The following ANKFN1 variants were observed in gnomAD, a reference collection of about 807,000 sequenced individuals.
ANKFN1 encodes the protein ankyrin repeat and fibronectin type-III domain-containing protein 1.
ANKFN1 carries 74 observed loss-of-function variants against 108.7 expected under a neutral mutation model. The ratio of observed to expected loss-of-function variants is 0.68; its 90% CI spans 0.56 to 0.83. ANKFN1 has a LOEUF of 0.83. ANKFN1 is among the 40% of genes least tolerant of loss of function. ANKFN1 has a pLI of 0.00. For missense variants in ANKFN1, 1,505 were observed against 1,382.3 expected (o/e 1.09, Z -1.41); for synonymous variants, 547 against 516.2 (o/e 1.06, Z -0.81).
At chr17:56,065,859 A>G (rs184000524) in intron 4 of ANKFN1, among the ~76,000 whole-genome samples, 8 of 152,374 alleles carry the variant, frequency 5.3e-5, no homozygotes, top group Admixed American at 1.3e-4. Flanking sequence ...AATGTGGCAC[A>G]GAGACACAAA....
At chr17:56,320,637 G>A (rs750310091) in intron 3 of ANKFN1, among the ~76,000 whole-genome samples, 1 of 152,064 alleles carries the variant, frequency 6.6e-6, no homozygotes, top group Non-Finnish European at 1.5e-5. Context: ...CTGAAAGGAG[G>A]GTGGCAGCCA....
intron 3 of ANKFN1, among the ~76,000 whole-genome samples, chr17:56,261,454 G>T (rs779577665): frequency 6.6e-6 from 1 of 152,144 alleles, no homozygotes; most frequent in African/African-American, 2.4e-5. Flanking sequence ...ATATATGAAA[G>T]GGAGTTTATT....
At chr17:56,454,854 C>T (rs1598637457) in intron 11 of ANKFN1, among the ~76,000 whole-genome samples, 1 of 152,166 alleles carries the variant, frequency 6.6e-6, no homozygotes, top group African/African-American at 2.4e-5. Flanking sequence ...TGATGTCTCC[C>T]ACTCCGGAGA....
chr17:56,406,127 G>C (rs1264807880), intron 8 of ANKFN1, among the ~76,000 whole-genome samples: 1 of 152,122 alleles, frequency 6.6e-6, no homozygotes, highest in Non-Finnish European at 1.5e-5. Context: ...CAGACAGAAG[G>C]CTACCATAAA....
At chr17:56,256,455 T>C (rs2043359475) in intron 3 of ANKFN1, among the ~76,000 whole-genome samples, 1 of 152,156 alleles carries the variant, frequency 6.6e-6, no homozygotes, top group African/African-American at 2.4e-5. Context: ...GGAGAATTAT[T>C]TGGGGTTGTG....
intron 6 of ANKFN1, 42 bp downstream of exon 6, chr17:56,354,088 A>T (rs1336989312): frequency 1.3e-6 from 2 of 1,590,178 alleles, no homozygotes; most frequent in African/African-American, 1.3e-5. Context: ...TTAAAGCCAG[A>T]TTCCAGCCTT....
chr17:56,307,212 C>A (rs1340792230), intron 3 of ANKFN1, among the ~76,000 whole-genome samples: 2 of 152,120 alleles, frequency 1.3e-5, no homozygotes, highest in South Asian at 2.1e-4. Flanking sequence ...GCAACAAAAG[C>A]CAAAATTGAC....
intron 4 of ANKFN1, among the ~76,000 whole-genome samples, chr17:56,338,058 G>A (rs1489152455): frequency 2.6e-5 from 4 of 152,162 alleles, no homozygotes; most frequent in East Asian, 1.9e-4. Flanking sequence ...CAACCCAAAT[G>A]TCCATCAATG....
At chr17:56,292,362 A>T (rs1370909018) in intron 3 of ANKFN1, among the ~76,000 whole-genome samples, 1 of 152,218 alleles carries the variant, frequency 6.6e-6, no homozygotes, top group East Asian at 1.9e-4. Context: ...TGATGAGATC[A>T]AAAGAAAAAT....
At chr17:56,296,166 A>G (rs531740759) in intron 3 of ANKFN1, among the ~76,000 whole-genome samples, 81 of 152,252 alleles carry the variant, frequency 5.3e-4, no homozygotes, top group African/African-American at 1.7e-3. Flanking sequence ...ACTAACCTGC[A>G]CATGTTCCCT....
intron 3 of ANKFN1, among the ~76,000 whole-genome samples, chr17:56,303,862 T>TC (rs1437081965): frequency 1.3e-5 from 2 of 150,758 alleles, no homozygotes; most frequent in African/African-American, 4.9e-5. Flanking sequence ...TTTTTTTTTT[T>TC]TTTTTTTGTA....
At chr17:56,156,214 G>A (rs1041700485) in intron 1 of ANKFN1, among the ~76,000 whole-genome samples, 2 of 151,888 alleles carry the variant, frequency 1.3e-5, no homozygotes, top group African/African-American at 4.8e-5. Flanking sequence ...CGAGTAGTTG[G>A]GACTACAGGC....
chr17:56,190,877 C>T (rs1331171759), intron 1 of ANKFN1, among the ~76,000 whole-genome samples: 8 of 99,974 alleles, frequency 8.0e-5, no homozygotes, highest in African/African-American at 3.7e-4. Flanking sequence ...TCAGGACTTG[C>T]TTTATGAATC....
intron 4 of ANKFN1, among the ~76,000 whole-genome samples, chr17:56,103,950 C>T (rs1011406256): frequency 1.3e-5 from 2 of 152,162 alleles, no homozygotes; most frequent in African/African-American, 4.8e-5. Flanking sequence ...GAGGGATATT[C>T]TTGGCAAAGG....
chr17:56,160,564 A>C (rs1302955095), intron 1 of ANKFN1, among the ~76,000 whole-genome samples: 1 of 152,206 alleles, frequency 6.6e-6, no homozygotes, highest in Non-Finnish European at 1.5e-5. Flanking sequence ...AGTAAATGCC[A>C]CTTTGATTAC....
At chr17:56,214,844 GA>G (rs1915305462) in intron 2 of ANKFN1, among the ~76,000 whole-genome samples, 1 of 152,018 alleles carries the variant, frequency 6.6e-6, no homozygotes, top group Non-Finnish European at 1.5e-5. Flanking sequence ...GTCCTCTGTG[GA>G]AAAAAATGGG....
intron 1 of ANKFN1, among the ~76,000 whole-genome samples, chr17:56,167,274 C>CAT (rs72093414): frequency 0.82 from 109,605 of 133,626 alleles, 44,972 homozygotes; most frequent in Non-Finnish European, 0.87. Flanking sequence ...TATATATATA[C>CAT]ATATATATAT....
At chr17:56,506,763 G>T (rs1042888210) in intron 20 of ANKFN1, among the ~76,000 whole-genome samples, 1 of 151,856 alleles carries the variant, frequency 6.6e-6, no homozygotes, top group African/African-American at 2.4e-5. Context: ...CACTCCTCAG[G>T]AAGTTTCCAC....
At chr17:56,092,755 A>C (rs1905443609) in intron 4 of ANKFN1, among the ~76,000 whole-genome samples, 1 of 150,844 alleles carries the variant, frequency 6.6e-6, no homozygotes. Context: ...CTGGGGGAGA[A>C]TCTGCTTCCA....
Sources: allele counts gnomAD v4.1 joint callset (sites outside exome capture counted in the v4.1 genomes callset), GRCh38; gene constraint gnomAD v4.1.1; transcripts MANE v1.5; gene names NCBI Gene and HGNC (gene_info 2026-07-23, HGNC 2026-07-21).